Variants in ME2 observed in about 807,000 individuals in gnomAD.
The protein encoded by ME2 is malic enzyme 2.
Under a neutral mutation model 73.7 loss-of-function variants are expected in ME2, and 60 were observed. That is an observed-to-expected ratio of 0.81 (90% CI 0.66 to 1.01). ME2 has a LOEUF of 1.01. Among genes scored for constraint, ME2 ranks in the 50% least tolerant of loss-of-function variants. The pLI is 0.00. For missense variants in ME2, 594 were observed against 705.5 expected, an observed-to-expected ratio of 0.84 and a Z score of 1.79; for synonymous variants, 199 against 236.9, an observed-to-expected ratio of 0.84 and a Z score of 1.47.
chr18:50,908,284 A>G (rs1917064417), intron 3 of ME2, 88 bp downstream of exon 3: 1 of 929,656 alleles, frequency 1.1e-6, no homozygotes. Context: ...TGAGAAATAC[A>G]CAATCTTATA....
chr18:50,927,777 A>G (rs1411904709), intron 12 of ME2, among the ~76,000 whole-genome samples: 2 of 132,500 alleles, frequency 1.5e-5, no homozygotes, highest in Non-Finnish European at 3.1e-5. Flanking sequence ...GTTATACCTC[A>G]TAATTTGAAC....
rs563464699 is a variant in ME2 at position 50,948,049 on chromosome 18, T to A, written c.*865T>A. 1 of 152,340 alleles carries A rather than the reference T, an allele frequency of 6.6e-6. No individual in the cohort carries two copies. The highest frequency in any genetic ancestry group is 1.9e-4 in the East Asian group (1 of 5,194). The allele number at this position is 152,340 out of a possible 1,614,324, so 9.4% of individuals were successfully genotyped here. The stretch of plus-strand genomic sequence containing the variant: ...TTTTTAAATCTAAATTAGTCATGCT[T>A]CACATCAAAATGAGTCATATTTAAC... On this transcript the variant is annotated 3_prime_UTR_variant, in exon 16 of 16. Transcript: ENST00000321341.
At chr18:50,882,952 TCAAAAAAACAAA>T (rs1916359413) in intron 1 of ME2, among the ~76,000 whole-genome samples, 1 of 151,658 alleles carries the variant, frequency 6.6e-6, no homozygotes, top group South Asian at 2.1e-4. Flanking sequence ...AGACTCTATC[TCAAAAAAACAAA>T]CAAAAAAACT....
chr18:50,922,671 T>C (rs1917457047), intron 10 of ME2, among the ~76,000 whole-genome samples: 1 of 152,224 alleles, frequency 6.6e-6, no homozygotes, highest in Non-Finnish European at 1.5e-5. Flanking sequence ...GTGAGAACCC[T>C]GTCCATCTCC....
chr18:50,891,524 C>T (rs912978681), intron 1 of ME2, among the ~76,000 whole-genome samples: 2 of 152,190 alleles, frequency 1.3e-5, no homozygotes, highest in African/African-American at 4.8e-5. Flanking sequence ...TCCATAAGCA[C>T]CTAAGCCAAT....
chr18:50,925,757 A>C lies in ME2; in HGVS notation c.1173A>C (p.Gly391=). The change falls in exon 12 of 16, where the codon GGA becomes GGC. Residue 391 remains glycine, a splice_region_variant and synonymous_variant. Coordinates refer to ENST00000321341, the MANE Select transcript of ME2 (RefSeq NM_002396.5). The stretch of plus-strand genomic sequence containing the variant: ...GTTTTTCCCCCTTACTTATTACAGG[A>C]GTTGCAGGTGCTGGCCGTCTTTTCA... The part of the protein sequence containing the change: ...VNILKPSTII[G]VAGAGRLFTP... The C allele has an allele frequency of 6.2e-7, 1 of 1,613,592 alleles. No individual in the cohort carries two copies. The highest frequency in any genetic ancestry group is 8.5e-7 in the Non-Finnish European group (1 of 1,179,722).
intron 10 of ME2, among the ~76,000 whole-genome samples, chr18:50,923,435 C>T (rs114398267): frequency 0.011 from 1,715 of 152,170 alleles, 31 homozygotes; most frequent in African/African-American, 0.04. Flanking sequence ...ATTTGATATA[C>T]GCCATATTGT....
chr18:50,915,531 T>G (rs778386214), intron 4 of ME2: 1 of 152,174 alleles, frequency 6.6e-6, no homozygotes, highest in African/African-American at 2.4e-5. Flanking sequence ...AGTCAATCTG[T>G]GTGTTACTGG....
chr18:50,893,349 T>TA lies in ME2; in HGVS notation c.-12-2459dup, dbSNP rs1361427615. Among the ~76,000 whole-genome samples, 7 of 152,306 alleles carry TA rather than the reference T, an allele frequency of 4.6e-5. No individual in the cohort carries two copies. In the East Asian group the frequency reaches 1.2e-3, roughly 25 times the overall value. On this transcript the variant is annotated intron_variant, in intron 1 of 15. Coordinates refer to ENST00000321341, the MANE Select transcript of ME2 (RefSeq NM_002396.5). ...ATCATGGTTATTTCTGCTACACTATTACGGCTATGATAAAAATCCAGCAAT... is the reference window on the plus strand; with the variant it reads ...ATCATGGTTATTTCTGCTACACTATTAACGGCTATGATAAAAATCCAGCAAT...
intron 10 of ME2, among the ~76,000 whole-genome samples, chr18:50,922,567 T>C (rs1917453508): frequency 6.6e-6 from 1 of 152,248 alleles, no homozygotes; most frequent in African/African-American, 2.4e-5. Flanking sequence ...TTTTGTAATG[T>C]TGGTTTTCAT....
chr18:50,910,268 CAAAAAAAA>C (rs74176794), intron 3 of ME2, among the ~76,000 whole-genome samples: 4 of 35,276 alleles, frequency 1.1e-4, no homozygotes, highest in South Asian at 1.7e-3. Flanking sequence ...CCTGTTTCTA[CAAAAAAAA>C]AAAAAAAAAA....
Position 50,920,573 on chromosome 18 carries a change from A to T in ME2, c.844+8A>T. 1 of 1,574,280 alleles carries T rather than the reference A, an allele frequency of 6.4e-7. No homozygotes were observed. On this transcript the variant is annotated splice_region_variant and intron_variant, in intron 8 of 15. Transcript: ENST00000321341. ...TCAATGATGATATTCAAGGTAAAGC[A>T]AAAAAACTTCAGGGTTTTGATTCCT...
intron 2 of ME2, among the ~76,000 whole-genome samples, chr18:50,906,649 A>G (rs1375163844): frequency 1.3e-5 from 2 of 152,172 alleles, no homozygotes; most frequent in Non-Finnish European, 2.9e-5. Flanking sequence ...ATTCTTGTAC[A>G]TGCCCACTGA....
At position 50,948,143 on chromosome 18, in the gene ME2, A is replaced by G. The variant is rs1918133338; in HGVS notation, c.*959A>G. 6.6e-6 allele frequency: 1 copy of G among 152,182 alleles called. No individual in the cohort carries two copies. Among genetic ancestry groups the G allele is most frequent in the South Asian group, 2.1e-4 (1 of 4,824 alleles). The allele number at this position is 152,182 out of a possible 1,614,324, so 9.4% of individuals were successfully genotyped here. On this transcript the variant is annotated 3_prime_UTR_variant, in exon 16 of 16. Transcript: ENST00000321341. ...CTTGAGATAATTTTGGAATGTTACT[A>G]TGATACTGTTTCTTTGAATATCATT...
intron 7 of ME2, among the ~76,000 whole-genome samples, chr18:50,919,484 C>T (rs1483210380): frequency 6.6e-6 from 1 of 152,142 alleles, no homozygotes; most frequent in Non-Finnish European, 1.5e-5. Flanking sequence ...CTTGGACAAC[C>T]AAATAGTACC....
chr18:50,899,232 AC>A (rs902911479), intron 2 of ME2, among the ~76,000 whole-genome samples: 1 of 151,978 alleles, frequency 6.6e-6, no homozygotes, highest in Non-Finnish European at 1.5e-5. Context: ...ACCATTCCCT[AC>A]CCCCTGAAAT....
At chr18:50,908,377 T>C (rs1568164738) in intron 3 of ME2, among the ~76,000 whole-genome samples, 181 bp downstream of exon 3, 1 of 152,352 alleles carries the variant, frequency 6.6e-6, no homozygotes, top group African/African-American at 2.4e-5. Context: ...GTATTCACTA[T>C]TGTAAAACTT....
At position 50,939,140 on chromosome 18, in the gene ME2, G is replaced by A. The variant is rs202104707; in HGVS notation, c.1418-430G>A. On this transcript the variant is annotated intron_variant, in intron 13 of 15. Coordinates refer to ENST00000321341, the MANE Select transcript of ME2 (RefSeq NM_002396.5). ...CAATAAGAGAAGGCAAAAAAAAAAA[G>A]AAAAAAAAAAAGAGAGAGAGAGAGA... 1,105 of 118,002 alleles carry A rather than the reference G, an allele frequency of 9.4e-3. 11 individuals carry two copies. The highest frequency in any genetic ancestry group is 0.067 in the East Asian group (285 of 4,248). 7.3% of individuals were successfully genotyped at this position (118,002 alleles called of 1,614,324 possible).
intron 2 of ME2, among the ~76,000 whole-genome samples, chr18:50,904,279 G>GT (rs35061724): frequency 0.026 from 3,536 of 136,958 alleles, 59 homozygotes; most frequent in African/African-American, 0.061. Context: ...TCTTTCTTCT[G>GT]TTTTTTTTTT....
Sources: allele counts gnomAD v4.1 joint callset (sites outside exome capture counted in the v4.1 genomes callset), GRCh38; gene constraint gnomAD v4.1.1; transcripts MANE v1.5; gene names NCBI Gene and HGNC (gene_info 2026-07-23, HGNC 2026-07-21).